Variants in TINAG observed in about 807,000 individuals in gnomAD.
TINAG encodes tubulointerstitial nephritis antigen.
Under a neutral mutation model 72.7 loss-of-function variants are expected in TINAG, and 83 were observed. That is an observed-to-expected ratio of 1.14 (90% CI 0.96 to 1.37). The LOEUF (loss-of-function observed/expected upper bound fraction) is 1.37. TINAG is among the 40% of genes most tolerant of loss of function. The pLI is 0.00. For missense variants in TINAG, 685 were observed against 576.6 expected, an observed-to-expected ratio of 1.19 and a Z score of -1.93; for synonymous variants, 234 against 189.9, an observed-to-expected ratio of 1.23 and a Z score of -1.91.
At chr6:54,350,382 G>A (rs890923573) in intron 7 of TINAG, among the ~76,000 whole-genome samples, 14 of 151,956 alleles carry the variant, frequency 9.2e-5, no homozygotes, top group African/African-American at 2.4e-4. Flanking sequence ...AAGCCTTCTC[G>A]TTTTCAGAAT....
At chr6:54,344,946 T>C (rs1582724277) in intron 5 of TINAG, among the ~76,000 whole-genome samples, 2 of 152,196 alleles carry the variant, frequency 1.3e-5, no homozygotes, top group Admixed American at 1.3e-4. Flanking sequence ...AAATAGATTA[T>C]CTCTCAGAGA....
chr6:54,336,265 T>C (rs564967104), intron 4 of TINAG, among the ~76,000 whole-genome samples: 4 of 152,300 alleles, frequency 2.6e-5, no homozygotes, highest in Admixed American at 1.3e-4. Context: ...TTATGTAATA[T>C]ATAAAGGTGT....
intron 3 of TINAG, among the ~76,000 whole-genome samples, chr6:54,322,012 T>C (rs117551683): frequency 6.6e-6 from 1 of 152,258 alleles, no homozygotes; most frequent in East Asian, 1.9e-4. Context: ...AATTAAGATG[T>C]AGGCACTGGC....
At chr6:54,312,147 TC>T (rs1030838051) in intron 1 of TINAG, among the ~76,000 whole-genome samples, 2 of 151,860 alleles carry the variant, frequency 1.3e-5, no homozygotes, top group African/African-American at 4.8e-5. Context: ...GCCTCGACCT[TC>T]CCCGGGCTCA....
intron 4 of TINAG, among the ~76,000 whole-genome samples, chr6:54,334,939 G>T (rs1784824552): frequency 6.6e-6 from 1 of 151,964 alleles, no homozygotes; most frequent in Non-Finnish European, 1.5e-5. Context: ...ATGATCAACA[G>T]AAAAAGAGTT....
intron 9 of TINAG, among the ~76,000 whole-genome samples, chr6:54,369,308 A>C (rs1278044292): frequency 2.6e-5 from 4 of 151,880 alleles, no homozygotes; most frequent in Non-Finnish European, 5.9e-5. Flanking sequence ...TAGAAAAGAA[A>C]AGAACTTTGG....
rs553727843 is a variant in TINAG at position 54,378,233 on chromosome 6, A to T, written c.1251-2293A>T. 7.7e-3 allele frequency among the ~76,000 whole-genome samples: 1,165 copies of T among 152,164 alleles called. 14 individuals carry two copies. Among genetic ancestry groups the T allele is most frequent in the African/African-American group, 0.025 (1,047 of 41,528 alleles). ...GCATAAAGGTTAACACCTTTTGTTA[A>T]TTTTTTTATACCAGCACCTTAGTCT... On this transcript the variant is annotated intron_variant, in intron 9 of 10. Coordinates refer to ENST00000259782, the MANE Select transcript of TINAG (RefSeq NM_014464.4).
intron 4 of TINAG, among the ~76,000 whole-genome samples, chr6:54,329,338 G>T (rs533403472): frequency 6.6e-6 from 1 of 152,192 alleles, no homozygotes; most frequent in South Asian, 2.1e-4. Flanking sequence ...TTAAAGAAAA[G>T]AATTTTCAGC....
Position 54,349,686 on chromosome 6 carries a change from T to C in TINAG, c.900-30T>C, listed in dbSNP as rs1370004310. The C allele has an allele frequency of 2.7e-6, 4 of 1,506,298 alleles. No individual in the cohort carries two copies. In the African/African-American group the frequency reaches 5.6e-5, roughly 21 times the overall value. 93.3% of individuals were successfully genotyped at this position (1,506,298 alleles called of 1,614,324 possible). A position where few individuals can be genotyped will look rare whatever the true frequency, so the allele number is the denominator to read the frequency against. On this transcript the variant is annotated intron_variant, in intron 6 of 10. Transcript: ENST00000259782. ...GATATTACGACATTCTCCTAAATAT[T>C]ACCTTTGCTTCTTTGCTTATTCCTC...
At chr6:54,370,280 C>T (rs1763563760) in intron 9 of TINAG, among the ~76,000 whole-genome samples, 1 of 151,796 alleles carries the variant, frequency 6.6e-6, no homozygotes, top group African/African-American at 2.4e-5. Flanking sequence ...GTTTACTTGG[C>T]ATTAATATAT....
chr6:54,341,894 A>G (rs1013392634), intron 4 of TINAG, among the ~76,000 whole-genome samples: 2 of 152,218 alleles, frequency 1.3e-5, no homozygotes, highest in Non-Finnish European at 2.9e-5. Context: ...TGAGGGACTC[A>G]ACATGTCTTT....
At chr6:54,386,898 A>G (rs1445966024) in intron 10 of TINAG, among the ~76,000 whole-genome samples, 2 of 152,192 alleles carry the variant, frequency 1.3e-5, no homozygotes, top group African/African-American at 4.8e-5. Context: ...TAAACTTTTT[A>G]AGAATAAATT....
At chr6:54,310,856 G>C (rs543816240) in intron 1 of TINAG, among the ~76,000 whole-genome samples, 22 of 82,522 alleles carry the variant, frequency 2.7e-4, no homozygotes, top group South Asian at 1.1e-3. Context: ...TCTTTCTCTC[G>C]CTCTTTCTTT....
At chr6:54,359,734 T>G (rs930141674) in intron 9 of TINAG, among the ~76,000 whole-genome samples, 1 of 151,824 alleles carries the variant, frequency 6.6e-6, no homozygotes, top group Admixed American at 6.6e-5. Flanking sequence ...CTTTTTTAAT[T>G]TTACAAAAAT....
chr6:54,347,437 G>C lies in TINAG; in HGVS notation c.819G>C (p.Leu273Phe), dbSNP rs755117603. The C allele has an allele frequency of 2.1e-5, 34 of 1,613,186 alleles. No individual in the cohort carries two copies. The East Asian group carries it at 6.7e-4, about 32-fold the overall frequency. ...RYTANLSPQN[L>F]ISCCAKNRHG... ...CGGCCAATCTATCCCCTCAGAATTTGATCTCTTGCTGTGCCAAGAACCGTC... is the reference window on the plus strand; with the variant it reads ...CGGCCAATCTATCCCCTCAGAATTTCATCTCTTGCTGTGCCAAGAACCGTC... Residue 273 changes from leucine (L) to phenylalanine (F), a missense_variant, in exon 6 of 11, where the codon TTG (leucine) becomes TTC (phenylalanine). Leu to Phe is a conservative substitution (Grantham distance 22, BLOSUM62 0). Transcript: ENST00000259782.
intron 4 of TINAG, among the ~76,000 whole-genome samples, chr6:54,335,940 G>A (rs1411833587): frequency 6.6e-6 from 1 of 151,962 alleles, no homozygotes; most frequent in African/African-American, 2.4e-5. Context: ...CATCTCCTTG[G>A]CCATATTGCT....
At chr6:54,381,806 C>T (rs765084839) in intron 10 of TINAG, among the ~76,000 whole-genome samples, 10 of 151,936 alleles carry the variant, frequency 6.6e-5, no homozygotes, top group East Asian at 1.9e-4. Flanking sequence ...AATCTCATAA[C>T]GATGTAATAT....
intron 4 of TINAG, among the ~76,000 whole-genome samples, chr6:54,332,048 T>C (rs1300177829): frequency 1.3e-5 from 2 of 152,198 alleles, no homozygotes; most frequent in African/African-American, 4.8e-5. Flanking sequence ...CTGCCTAAAG[T>C]TATTTATAGA....
chr6:54,310,513 T>A (rs560072946), intron 1 of TINAG, among the ~76,000 whole-genome samples: 1 of 150,724 alleles, frequency 6.6e-6, no homozygotes, highest in South Asian at 2.1e-4. Context: ...TTTCTCTTTC[T>A]TTCTTTTCTT....
Sources: allele counts gnomAD v4.1 joint callset (sites outside exome capture counted in the v4.1 genomes callset), GRCh38; gene constraint gnomAD v4.1.1; transcripts MANE v1.5; gene names NCBI Gene and HGNC (gene_info 2026-07-23, HGNC 2026-07-21).